Variants in TUBA3C observed in about 807,000 individuals in gnomAD.
The protein encoded by TUBA3C is tubulin alpha-3C chain.
TUBA3C carries 23 observed loss-of-function variants against 33.4 expected under a neutral mutation model. That is an observed-to-expected ratio of 0.69 (90% CI 0.50 to 0.98). TUBA3C has a LOEUF of 0.98. Ranked by LOEUF, TUBA3C falls within the 50% of genes least tolerant of loss-of-function variation. The pLI, the probability that TUBA3C is intolerant of heterozygous loss-of-function variation, is 0.00. For missense variants in TUBA3C, 402 were observed against 616.0 expected (o/e 0.65, Z 3.68); for synonymous variants, 269 against 250.4 (o/e 1.07, Z -0.70).
chr13:19,175,808 A>C lies in TUBA3C; in HGVS notation c.1056+1119T>G, dbSNP rs937037459. Among the ~76,000 whole-genome samples, 11 of 151,988 alleles carry C rather than the reference A, an allele frequency of 7.2e-5. 1 individual carries two copies. The highest frequency in any genetic ancestry group is 2.2e-4 in the African/African-American group (9 of 41,462). On this transcript the variant is annotated intron_variant, in intron 4 of 4. Coordinates refer to ENST00000400113, the MANE Select transcript of TUBA3C (RefSeq NM_006001.3). Reference sequence around the variant, plus strand: ...ACCCAGGCTGGAGTGCAGTGGAGTGATATCTTCTCACTGCAACCTCCACCT... The same window carrying C: ...ACCCAGGCTGGAGTGCAGTGGAGTGCTATCTTCTCACTGCAACCTCCACCT...
rs903492112 is a variant in TUBA3C at position 19,179,606 on chromosome 13, A to T, written c.4-43T>A. ...AATGTAGACCCATTCATTTCAAGGCAACTTGAAGCTATATGGTATGCAAAA... is the reference window on the plus strand; with the variant it reads ...AATGTAGACCCATTCATTTCAAGGCTACTTGAAGCTATATGGTATGCAAAA... On this transcript the variant is annotated intron_variant, in intron 1 of 4. Coordinates refer to ENST00000400113, the MANE Select transcript of TUBA3C (RefSeq NM_006001.3). 2.5e-6 allele frequency: 4 copies of T among 1,594,272 alleles called. No individual in the cohort carries two copies. The African/African-American group carries it at 5.4e-5, about 21-fold the overall frequency.
chr13:19,177,880 T>C lies in TUBA3C; in HGVS notation c.376-273A>G. 7.0e-6 allele frequency among the ~76,000 whole-genome samples: 1 copy of C among 142,890 alleles called. No individual in the cohort carries two copies. The highest frequency in any genetic ancestry group is 7.2e-5 in the Admixed American group (1 of 13,950). 93.7% of individuals were successfully genotyped at this position (142,890 alleles called of 152,430 possible). On this transcript the variant is annotated intron_variant, in intron 3 of 4. Transcript: ENST00000400113. The surrounding 1 kb of genome is among the most constrained non-coding windows in gnomAD (Gnocchi z 5.0). ...TTTTTTTTTTTAGATAGAATCTCACTCTGTTGCCCAGGCCGGAGGGCAGTG... is the reference window on the plus strand; with the variant it reads ...TTTTTTTTTTTAGATAGAATCTCACCCTGTTGCCCAGGCCGGAGGGCAGTG...
At chr13:19,180,217 T>C (rs1434556058) in intron 1 of TUBA3C, among the ~76,000 whole-genome samples, 2 of 152,144 alleles carry the variant, frequency 1.3e-5, no homozygotes, top group Non-Finnish European at 2.9e-5. Context: ...TCACCTTTCA[T>C]GGGCGATACA....
In TUBA3C at chr13:19,174,070, C is replaced by G; in HGVS notation, c.1146G>C (p.Thr382=). The change falls in exon 5 of 5, where the codon ACG becomes ACC. Residue 382 remains threonine, a synonymous_variant. Coordinates refer to ENST00000400113, the MANE Select transcript of TUBA3C (RefSeq NM_006001.3). ...GGCGAGCCCAGGCCTCCGCGATGGC[C>G]GTGGTGTTGCTCAGCATGCACACAG... ...QRAVCMLSNT[T]AIAEAWARLD... 6.2e-7 allele frequency: 1 copy of G among 1,613,956 alleles called. No homozygotes were observed. Among genetic ancestry groups the G allele is most frequent in the African/African-American group, 1.3e-5 (1 of 75,014 alleles).
At position 19,179,345 on chromosome 13, in the gene TUBA3C, C is replaced by G. The variant is rs751190931; in HGVS notation, c.222G>C (p.Val74=). 2 of 1,614,000 alleles carry G rather than the reference C, an allele frequency of 1.2e-6. No homozygotes were observed. Among genetic ancestry groups the G allele is most frequent in the African/African-American group, 2.7e-5 (2 of 75,060 alleles). ...ATCCAGGACCCGAGCACCTACCGAC[C>G]ACAGTGGGCTCCAGGTCCACAAACA... ...RAVFVDLEPT[V]VDEVRTGTYR... The change falls in exon 2 of 5, where the codon GTG becomes GTC. Residue 74 remains valine, a synonymous_variant. Coordinates refer to ENST00000400113, the MANE Select transcript of TUBA3C (RefSeq NM_006001.3).
At position 19,173,774 on chromosome 13, in the gene TUBA3C, G is replaced by A; in HGVS notation, c.*89C>T. ...AGGCAGTACGATACACAGAGGTCTTGGTTTTATACAGAACCTTTAATTGCA... is the reference window on the plus strand; with the variant it reads ...AGGCAGTACGATACACAGAGGTCTTAGTTTTATACAGAACCTTTAATTGCA... On this transcript the variant is annotated 3_prime_UTR_variant, in exon 5 of 5. Transcript: ENST00000400113. The A allele has an allele frequency of 6.5e-7, 1 of 1,531,828 alleles. No individual in the cohort carries two copies. The highest frequency in any genetic ancestry group is 8.8e-7 in the Non-Finnish European group (1 of 1,136,768). The allele number at this position is 1,531,828 out of a possible 1,614,324, so 94.9% of individuals were successfully genotyped here. A position where few individuals can be genotyped will look rare whatever the true frequency, so the allele number is the denominator to read the frequency against.
At chr13:19,175,676 C>T (rs567736715) in intron 4 of TUBA3C, among the ~76,000 whole-genome samples, 5 of 152,268 alleles carry the variant, frequency 3.3e-5, no homozygotes, top group South Asian at 2.1e-4. Flanking sequence ...TTTTGCTATC[C>T]GACAGCAGAG....
At position 19,178,312 on chromosome 13, in the gene TUBA3C, G is replaced by A. The variant is rs114178008; in HGVS notation, c.309C>T (p.Tyr103=). Residue 103 remains tyrosine, a synonymous_variant, in exon 3 of 5, where the codon TAC becomes TAT. Coordinates refer to ENST00000400113, the MANE Select transcript of TUBA3C (RefSeq NM_006001.3). The part of the protein sequence containing the change: ...ITGKEDAANN[Y]ARGHYTIGKE... The stretch of plus-strand genomic sequence containing the variant: ...TGCCGATGGTGTAATGGCCTCTGGC[G>A]TAATTATTGGCCGCATCTTCCTTCC... The A allele has an allele frequency of 5.6e-5, 91 of 1,614,216 alleles. No homozygotes were observed. The Middle Eastern group carries it at 6.6e-4, about 12-fold the overall frequency.
At position 19,177,162 on chromosome 13, in the gene TUBA3C, G is replaced by A. The variant is rs202223142; in HGVS notation, c.821C>T (p.Pro274Leu). 9.7e-5 allele frequency: 157 copies of A among 1,613,950 alleles called. No homozygotes were observed. Among genetic ancestry groups the A allele is most frequent in the South Asian group, 1.8e-4 (16 of 91,068 alleles). The change falls in exon 4 of 5, where the codon CCG becomes CTG. Residue 274 changes from proline to leucine, a missense_variant. Physicochemically the swap from Pro to Leu is moderately conservative, Grantham distance 98. Coordinates refer to ENST00000400113, the MANE Select transcript of TUBA3C (RefSeq NM_006001.3). This position sits in a 1 kb window ranked among gnomAD's most constrained non-coding sequence, Gnocchi z 5.0. ...RIHFPLATYA[P>L]VISAEKAYHE... ...GTAGGCCTTCTCGGCTGAGATGACCGGGGCGTAGGTGGCCAGGGGGAAGTG... is the reference window on the plus strand; with the variant it reads ...GTAGGCCTTCTCGGCTGAGATGACCAGGGCGTAGGTGGCCAGGGGGAAGTG...
chr13:19,181,630 C>T, intron 1 of TUBA3C, 115 bp downstream of exon 1: 1 of 1,484,326 alleles, frequency 6.7e-7, no homozygotes, highest in Non-Finnish European at 9.2e-7. Flanking sequence ...CCTTCTCTGA[C>T]CTCCTTTCTG....
chr13:19,176,968 G>A lies in TUBA3C; in HGVS notation c.1015C>T (p.Arg339Cys), dbSNP rs763672067. Reference sequence around the variant, plus strand: ...CACCAATCTACAAACTGGATGGTGCGCTTGGTCTTGATGGTGGCGATGGCC... The same window carrying A: ...CACCAATCTACAAACTGGATGGTGCACTTGGTCTTGATGGTGGCGATGGCC... The part of the protein sequence containing the change: ...NAAIATIKTK[R>C]TIQFVDWCPT... The change falls in exon 4 of 5, where the codon CGC becomes TGC. Residue 339 changes from arginine to cysteine, a missense_variant. Physicochemically the swap from Arg to Cys is radical, Grantham distance 180 (BLOSUM62 -3). Transcript: ENST00000400113. 52 of 1,613,842 alleles carry A rather than the reference G, an allele frequency of 3.2e-5. No homozygotes were observed. The East Asian group carries it at 8.5e-4, about 26-fold the overall frequency.
rs766720962 is a variant in TUBA3C at position 19,179,537 on chromosome 13, C to T, written c.30G>A (p.Gly10=). The T allele has an allele frequency of 1.9e-6, 3 of 1,614,234 alleles. No homozygotes were observed. In the Admixed American group the frequency reaches 5.0e-5, roughly 27 times the overall value. The stretch of plus-strand genomic sequence containing the variant: ...CATTGCCGATCTGGACTCCTGCCTG[C>T]CCCACGTGGATAGAGATACACTCAC... MRECISIHV[G]QAGVQIGNAC... The change falls in exon 2 of 5, where the codon GGG becomes GGA. Residue 10 remains glycine, a synonymous_variant. Transcript: ENST00000400113.
At chr13:19,181,496 T>C (rs891606507) in intron 1 of TUBA3C, among the ~76,000 whole-genome samples, 1 of 152,134 alleles carries the variant, frequency 6.6e-6, no homozygotes, top group Non-Finnish European at 1.5e-5. Context: ...ACACGGTCAA[T>C]GCTCCCCGTC....
intron 2 of TUBA3C, among the ~76,000 whole-genome samples, chr13:19,179,112 T>C (rs1593262044): frequency 6.6e-6 from 1 of 152,200 alleles, no homozygotes; most frequent in African/African-American, 2.4e-5. Flanking sequence ...ACAGCCCATC[T>C]TACTGTTGGC....
At chr13:19,176,831 A>C in intron 4 of TUBA3C, 96 bp downstream of exon 4, 1 of 1,411,654 alleles carries the variant, frequency 7.1e-7, no homozygotes, top group Non-Finnish European at 9.6e-7. Flanking sequence ...GAATAGGGGT[A>C]GTATCCTCAA....
chr13:19,175,844 A>G (rs1458992830), intron 4 of TUBA3C, among the ~76,000 whole-genome samples: 1 of 151,952 alleles, frequency 6.6e-6, no homozygotes, highest in African/African-American at 2.4e-5. Context: ...CCTGGGTCCC[A>G]GTGATTCTCC....
chr13:19,175,184 G>A (rs555676898), intron 4 of TUBA3C, among the ~76,000 whole-genome samples: 74 of 152,226 alleles, frequency 4.9e-4, no homozygotes, highest in Non-Finnish European at 9.0e-4. Flanking sequence ...CCCAGGAGGC[G>A]GAGCTTGCAG....
rs1219146587 is a variant in TUBA3C, at chr13:19,177,848, T to TG, written c.376-242_376-241insC. Among the ~76,000 whole-genome samples, 1 of 38,112 alleles carries TG rather than the reference T, an allele frequency of 2.6e-5. No homozygotes were observed. The highest frequency in any genetic ancestry group is 5.5e-5 in the African/African-American group (1 of 18,022). 25.0% of individuals were successfully genotyped at this position (38,112 alleles called of 152,430 possible). A position where few individuals can be genotyped will look rare whatever the true frequency, so the allele number is the denominator to read the frequency against. ...GACTCAAGATACTGTTCTAAGTTGT[T>TG]TTTTTTTTTTTTTTTTTAGATAGAA... On this transcript the variant is annotated intron_variant, in intron 3 of 4. Transcript: ENST00000400113. This position sits in a 1 kb window ranked among gnomAD's most constrained non-coding sequence, Gnocchi z 5.0.
Position 19,179,249 on chromosome 13 carries a change from G to C in TUBA3C, c.226+92C>G, listed in dbSNP as rs36215081. On this transcript the variant is annotated intron_variant, in intron 2 of 4. Coordinates refer to ENST00000400113, the MANE Select transcript of TUBA3C (RefSeq NM_006001.3). ...TATGCTTGTCTATCTCATACCTTCTGCAGGAGGATTCAAAGGAGCCCACAT... is the reference window on the plus strand; with the variant it reads ...TATGCTTGTCTATCTCATACCTTCTCCAGGAGGATTCAAAGGAGCCCACAT... 4,701 of 1,550,856 alleles carry C rather than the reference G, an allele frequency of 3.0e-3. 101 individuals are homozygous for C. In the African/African-American group the frequency reaches 0.044, roughly 15 times the overall value.
Sources: gnomAD v4.1 joint callset for allele counts (sites outside exome capture counted in the v4.1 genomes callset) on GRCh38, gnomAD v4.1.1 for gene constraint, Gnocchi (gnomAD v3.1) non-coding constraint, MANE v1.5 for transcripts, NCBI Gene and HGNC (gene_info 2026-07-23, HGNC 2026-07-21) for gene names.